Variants in MIPEP observed in about 807,000 individuals in gnomAD.
The protein encoded by MIPEP is mitochondrial intermediate peptidase.
MIPEP carries 79 observed loss-of-function variants against 90.3 expected under a neutral mutation model. The observed-to-expected ratio is 0.87, with a 90% CI of 0.73 to 1.05. The LOEUF is 1.05. Among genes scored for constraint, MIPEP ranks in the 50% least tolerant of loss-of-function variants. The probability of loss-of-function intolerance (pLI) is 0.00; values close to 1 mark genes in which losing one functional copy is unlikely to be tolerated. For missense variants in MIPEP, 940 were observed against 905.6 expected (o/e 1.04, Z -0.49); for synonymous variants, 334 against 315.8 (o/e 1.06, Z -0.61).
chr13:23,869,971 A>G (rs1470905041), intron 6 of MIPEP, 42 bp downstream of exon 6: 1 of 1,471,498 alleles, frequency 6.8e-7, no homozygotes, highest in East Asian at 2.5e-5. Context: ...GTAGCAACAC[A>G]CAAATGGGAC....
At chr13:23,759,955 G>T in intron 17 of MIPEP, 141 bp downstream of exon 17, 1 of 1,029,538 alleles carries the variant, frequency 9.7e-7, no homozygotes, top group Non-Finnish European at 1.5e-6. Context: ...AGTGGGGCGA[G>T]GCTGTGTGGG....
At chr13:23,795,206 G>A (rs1243949010) in intron 16 of MIPEP, among the ~76,000 whole-genome samples, 30 of 135,376 alleles carry the variant, frequency 2.2e-4, no homozygotes, top group African/African-American at 7.9e-4. Flanking sequence ...TCCCCAGGGC[G>A]AAGAAAAAAA....
intron 10 of MIPEP, among the ~76,000 whole-genome samples, chr13:23,852,904 T>A (rs1009218724): frequency 1.8e-4 from 28 of 152,224 alleles, no homozygotes; most frequent in African/African-American, 6.5e-4. Context: ...GTGTAAGCCT[T>A]GGCTAATGTG....
At chr13:23,836,852 A>G (rs1308936078) in intron 13 of MIPEP, among the ~76,000 whole-genome samples, 3 of 152,244 alleles carry the variant, frequency 2.0e-5, no homozygotes, top group African/African-American at 4.8e-5. Flanking sequence ...ATCCTGTAAG[A>G]AATTTAGATG....
intron 10 of MIPEP, among the ~76,000 whole-genome samples, chr13:23,850,967 C>CA (rs1869774694): frequency 1.3e-5 from 2 of 152,296 alleles, no homozygotes; most frequent in South Asian, 4.1e-4. Flanking sequence ...GTGGCAGCAG[C>CA]AAAAGGGAAA....
chr13:23,796,457 T>C, intron 16 of MIPEP, among the ~76,000 whole-genome samples: 1 of 151,864 alleles, frequency 6.6e-6, no homozygotes, highest in East Asian at 1.9e-4. Flanking sequence ...ATCAAGGGAA[T>C]GAGAGAACAG....
At chr13:23,879,805 C>T (rs1376167868) in intron 3 of MIPEP, among the ~76,000 whole-genome samples, 26 of 152,114 alleles carry the variant, frequency 1.7e-4, no homozygotes, top group Admixed American at 1.6e-3. Flanking sequence ...ACCTTGGACA[C>T]GTTATTTAGA....
intron 17 of MIPEP, among the ~76,000 whole-genome samples, chr13:23,759,349 G>A (rs956276409): frequency 6.7e-6 from 1 of 149,988 alleles, no homozygotes; most frequent in Non-Finnish European, 1.5e-5. Context: ...GGACCCCCAC[G>A]CACCTCTCCA....
At chr13:23,758,858 C>G (rs1378732949) in intron 17 of MIPEP, among the ~76,000 whole-genome samples, 1 of 152,132 alleles carries the variant, frequency 6.6e-6, no homozygotes. Context: ...ATGAGAAGAC[C>G]TAGATTATAG....
intron 2 of MIPEP, among the ~76,000 whole-genome samples, chr13:23,884,001 T>C (rs1330431718): frequency 6.6e-6 from 1 of 152,142 alleles, no homozygotes; most frequent in Non-Finnish European, 1.5e-5. Flanking sequence ...GGGAGGCTTG[T>C]GGTGAACATA....
chr13:23,817,026 C>T (rs751052656), intron 14 of MIPEP, among the ~76,000 whole-genome samples: 2 of 152,190 alleles, frequency 1.3e-5, no homozygotes, highest in Non-Finnish European at 2.9e-5. Context: ...ACCTCGAGGG[C>T]CCTGAGACCT....
intron 15 of MIPEP, 102 bp downstream of exon 15, chr13:23,809,748 A>G (rs904960705): frequency 1.5e-5 from 11 of 758,046 alleles, no homozygotes; most frequent in Middle Eastern, 2.4e-4. Flanking sequence ...TTTTAGAAGC[A>G]TAATTATTAT....
intron 3 of MIPEP, among the ~76,000 whole-genome samples, chr13:23,881,242 G>A (rs193157496): frequency 2.1e-4 from 32 of 152,218 alleles, no homozygotes; most frequent in African/African-American, 6.7e-4. Flanking sequence ...TTCTCGCCCC[G>A]TGGCCCACAG....
chr13:23,886,394 C>T lies in MIPEP; in HGVS notation c.302G>A (p.Gly101Glu), dbSNP rs767109230. 8 of 1,607,624 alleles carry T rather than the reference C, an allele frequency of 5.0e-6. No homozygotes were observed. The South Asian group carries it at 7.7e-5, about 16-fold the overall frequency. Reference sequence around the variant, plus strand: ...ATCGAAGATCAGCACGGTCTGGGGCCCAGGTGGGGTGGAACATGCACGGTC... The same window carrying T: ...ATCGAAGATCAGCACGGTCTGGGGCTCAGGTGGGGTGGAACATGCACGGTC... ...LVDRACSTPP[G>E]PQTVLIFDEL... The change falls in exon 2 of 19, where the codon GGG becomes GAG. Residue 101 changes from glycine to glutamate, a missense_variant. By Grantham distance (98) the Gly-to-Glu change is moderately conservative (BLOSUM62 -2). Coordinates refer to ENST00000382172, the MANE Select transcript of MIPEP (RefSeq NM_005932.4).
At chr13:23,776,419 G>A (rs1312571916) in intron 16 of MIPEP, among the ~76,000 whole-genome samples, 1 of 152,156 alleles carries the variant, frequency 6.6e-6, no homozygotes, top group Non-Finnish European at 1.5e-5. Flanking sequence ...AAAATCTGAA[G>A]CAGAAGCAAC....
chr13:23,850,126 A>T (rs1566016944), intron 10 of MIPEP, among the ~76,000 whole-genome samples: 1 of 152,224 alleles, frequency 6.6e-6, no homozygotes, highest in Non-Finnish European at 1.5e-5. Flanking sequence ...GTGGGCGAGG[A>T]AAAAATGGAC....
Position 23,730,386 on chromosome 13 carries a change from C to T in MIPEP, c.2104G>A (p.Asp702Asn), listed in dbSNP as rs1463454943. 6 of 1,612,714 alleles carry T rather than the reference C, an allele frequency of 3.7e-6. No individual in the cohort carries two copies. In the South Asian group the frequency reaches 4.4e-5, roughly 12 times the overall value. ...DFVSALVSDL[D>N]LDFETFLMDS... ...ATGAGGAAAGTTTCGAAGTCCAGAT[C>T]CAAGTCGGAAACGAGGGCACTTACG... The change falls in exon 19 of 19, where the codon GAT becomes AAT. Residue 702 changes from aspartate to asparagine, a missense_variant. By Grantham distance (23) the Asp-to-Asn change is conservative. Coordinates refer to ENST00000382172, the MANE Select transcript of MIPEP (RefSeq NM_005932.4).
At chr13:23,783,670 T>G (rs1457821022) in intron 16 of MIPEP, among the ~76,000 whole-genome samples, 1 of 152,216 alleles carries the variant, frequency 6.6e-6, no homozygotes, top group East Asian at 1.9e-4. Flanking sequence ...AGTCCCTGTT[T>G]GCAGATGACA....
At chr13:23,796,249 T>C (rs1952959828) in intron 16 of MIPEP, among the ~76,000 whole-genome samples, 1 of 152,028 alleles carries the variant, frequency 6.6e-6, no homozygotes, top group South Asian at 2.1e-4. Flanking sequence ...CGAAACCACA[T>C]CTCTACCAAA....
Sources: gnomAD v4.1 joint callset for allele counts (sites outside exome capture counted in the v4.1 genomes callset) on GRCh38, gnomAD v4.1.1 for gene constraint, MANE v1.5 for transcripts, NCBI Gene and HGNC (gene_info 2026-07-23, HGNC 2026-07-21) for gene names.